Variants in TAFA2 observed in about 807,000 individuals in gnomAD.
TAFA2 encodes TAFA chemokine like family member 2, also known as chemokine-like protein TAFA-2.
TAFA2 carries 7 observed loss-of-function variants against 18.8 expected under a neutral mutation model. The observed-to-expected ratio is 0.37, with a 90% confidence interval of 0.21 to 0.70. The LOEUF (loss-of-function observed/expected upper bound fraction) is 0.70, where lower values mean the gene tolerates loss of function less well. TAFA2 is among the 30% of genes least tolerant of loss of function. The pLI is 0.53. For synonymous variants in TAFA2, 60 were observed against 54.2 expected (o/e 1.11, Z -0.47); for missense variants, 122 against 158.1 (o/e 0.77, Z 1.23).
chr12:62,121,742 G>A (rs1433291642), intron 1 of TAFA2, among the ~76,000 whole-genome samples: 1 of 152,178 alleles, frequency 6.6e-6, no homozygotes, highest in Non-Finnish European at 1.5e-5. Context: ...AAAAGCAAAT[G>A]TAAGGTTCAG....
chr12:61,887,063 A>T (rs1267892872), intron 1 of TAFA2, among the ~76,000 whole-genome samples: 1 of 152,234 alleles, frequency 6.6e-6, no homozygotes, highest in African/African-American at 2.4e-5. Context: ...TGCTCATAAT[A>T]AATGCTCAAC....
chr12:62,206,504 T>C (rs1372208593), intron 1 of TAFA2, among the ~76,000 whole-genome samples: 1 of 152,176 alleles, frequency 6.6e-6, no homozygotes, highest in African/African-American at 2.4e-5. Context: ...ATACTAAAAT[T>C]GACTTGTTAT....
intron 2 of TAFA2, among the ~76,000 whole-genome samples, chr12:61,767,977 G>A (rs762085692): frequency 2.0e-5 from 3 of 152,034 alleles, no homozygotes; most frequent in Non-Finnish European, 4.4e-5. Flanking sequence ...AAATAGAGAA[G>A]CAGTAAAAAT....
At chr12:62,080,990 C>A (rs930743005) in intron 1 of TAFA2, among the ~76,000 whole-genome samples, 1 of 152,094 alleles carries the variant, frequency 6.6e-6, no homozygotes, top group Non-Finnish European at 1.5e-5. Context: ...GTCAGGAGAT[C>A]GAGACCATTC....
At chr12:61,789,006 T>C (rs1870861310) in intron 2 of TAFA2, among the ~76,000 whole-genome samples, 1 of 151,902 alleles carries the variant, frequency 6.6e-6, no homozygotes, top group African/African-American at 2.4e-5. Context: ...TTTTTTCTTG[T>C]AAACTTGTTT....
intron 1 of TAFA2, among the ~76,000 whole-genome samples, chr12:61,969,366 C>T (rs548227853): frequency 5.8e-4 from 88 of 151,778 alleles, no homozygotes; most frequent in African/African-American, 2.1e-3. Context: ...AACAGTTGAA[C>T]ACAGGCTAAG....
intron 1 of TAFA2, among the ~76,000 whole-genome samples, chr12:61,975,237 G>C (rs766021590): frequency 2.1e-4 from 32 of 151,480 alleles, no homozygotes; most frequent in Non-Finnish European, 3.5e-4. Flanking sequence ...CTGATATCTA[G>C]ACATATTCAT....
chr12:61,888,709 G>A (rs1406620477), intron 1 of TAFA2, among the ~76,000 whole-genome samples: 1 of 152,104 alleles, frequency 6.6e-6, no homozygotes, highest in African/African-American at 2.4e-5. Context: ...AACATGTACA[G>A]GTAGGAGGCA....
intron 4 of TAFA2, among the ~76,000 whole-genome samples, chr12:61,748,512 C>T (rs781162504): frequency 8.5e-5 from 13 of 152,060 alleles, no homozygotes; most frequent in Non-Finnish European, 1.9e-4. Context: ...AATTGCACCA[C>T]CTTAAGGTAA....
At chr12:62,242,810 G>A (rs2062868660) in intron 1 of TAFA2, among the ~76,000 whole-genome samples, 1 of 152,224 alleles carries the variant, frequency 6.6e-6, no homozygotes, top group South Asian at 2.1e-4. Flanking sequence ...AAGCTTCTTA[G>A]TTTGAGAAAA....
intron 2 of TAFA2, among the ~76,000 whole-genome samples, chr12:61,848,636 T>C (rs1411079882): frequency 6.6e-6 from 1 of 151,984 alleles, no homozygotes; most frequent in Non-Finnish European, 1.5e-5. Context: ...CACAGTCTCT[T>C]AGAATTTGTT....
chr12:62,214,387 T>A (rs2062725700), intron 1 of TAFA2, among the ~76,000 whole-genome samples: 2 of 152,132 alleles, frequency 1.3e-5, no homozygotes, highest in Admixed American at 1.3e-4. Context: ...CACCACCCAT[T>A]TAAGATGTGA....
At position 62,017,450 on chromosome 12, in the gene TAFA2, C is replaced by T. The variant is rs568786584; in HGVS notation, c.-1-150024G>A. On this transcript the variant is annotated intron_variant, in intron 1 of 4. Coordinates refer to ENST00000416284, the MANE Select transcript of TAFA2 (RefSeq NM_178539.5). ...TATATACAAGATGCTGTGGCAGCTACTGCAATACGCACACCAATATATGAC... is the reference window on the plus strand; with the variant it reads ...TATATACAAGATGCTGTGGCAGCTATTGCAATACGCACACCAATATATGAC... 3.8e-4 allele frequency among the ~76,000 whole-genome samples: 58 copies of T among 152,194 alleles called. 1 individual carries two copies. The South Asian group carries it at 0.012, about 32-fold the overall frequency.
chr12:61,814,500 G>C (rs901112116), intron 2 of TAFA2, among the ~76,000 whole-genome samples: 2 of 151,238 alleles, frequency 1.3e-5, no homozygotes, highest in African/African-American at 4.9e-5. Context: ...TTAAAAGGCT[G>C]TATGGGCTGC....
At chr12:61,726,222 T>C (rs985987969) in intron 4 of TAFA2, among the ~76,000 whole-genome samples, 3 of 152,010 alleles carry the variant, frequency 2.0e-5, no homozygotes, top group East Asian at 3.9e-4. Flanking sequence ...GGTGGGCTCT[T>C]TTTTGGTTCC....
intron 1 of TAFA2, among the ~76,000 whole-genome samples, chr12:61,996,746 C>T (rs1476021656): frequency 6.6e-6 from 1 of 152,142 alleles, no homozygotes; most frequent in South Asian, 2.1e-4. Context: ...AAATAAGCTA[C>T]CTGTATGAAA....
intron 2 of TAFA2, among the ~76,000 whole-genome samples, chr12:61,861,861 T>G (rs1201226228): frequency 6.6e-6 from 1 of 152,240 alleles, no homozygotes; most frequent in Non-Finnish European, 1.5e-5. Flanking sequence ...TGTTTTTCTT[T>G]GAAAAAGATC....
intron 2 of TAFA2, among the ~76,000 whole-genome samples, chr12:61,837,308 T>C (rs1402240696): frequency 3.9e-5 from 6 of 151,954 alleles, no homozygotes; most frequent in Admixed American, 2.0e-4. Context: ...GTGGTGCACC[T>C]TTGTTATTTC....
At chr12:61,829,267 T>C (rs1481964278) in intron 2 of TAFA2, among the ~76,000 whole-genome samples, 2 of 151,752 alleles carry the variant, frequency 1.3e-5, no homozygotes, top group Non-Finnish European at 3.0e-5. Context: ...GTGTTAGCCA[T>C]GGATTTGAGA....
Sources: gnomAD v4.1 joint callset for allele counts (sites outside exome capture counted in the v4.1 genomes callset) on GRCh38, gnomAD v4.1.1 for gene constraint, MANE v1.5 for transcripts, NCBI Gene and HGNC (gene_info 2026-07-23, HGNC 2026-07-21) for gene names.